Variants in ADRA1D observed in about 807,000 individuals in gnomAD.
ADRA1D encodes the protein adrenoceptor alpha 1D.
Under a neutral mutation model 18.6 loss-of-function variants are expected in ADRA1D, and 22 were observed. That is an observed-to-expected ratio of 1.19 (90% CI 0.85 to 1.69). The LOEUF (loss-of-function observed/expected upper bound fraction) is 1.69, where lower values mean the gene tolerates loss of function less well. Ranked by LOEUF, ADRA1D falls within the 40% of genes most tolerant of loss-of-function variation. The pLI is 0.00. For synonymous variants in ADRA1D, 376 were observed against 388.2 expected (o/e 0.97, Z 0.37); for missense variants, 840 against 840.7 (o/e 1.00, Z 0.01).
rs1343181304 is a variant in ADRA1D, at chr20:4,224,695, AGACCAAGCAGGCCAGGGGTAGGGGG to A, written c.1112-2590_1112-2566del. Among the ~76,000 whole-genome samples, 792 of 140,192 alleles carry A rather than the reference AGACCAAGCAGGCCAGGGGTAGGGGG, an allele frequency of 5.6e-3. 1 individual carries two copies. The highest frequency in any genetic ancestry group is 0.011 in the Middle Eastern group (3 of 278). 92.0% of individuals were successfully genotyped at this position (140,192 alleles called of 152,430 possible). On this transcript the variant is annotated intron_variant, in intron 1 of 1. Transcript: ENST00000379453. Reference sequence around the variant, plus strand: ...TGGATAGAGGCTGCAGGTGCCTGTGAGACCAAGCAGGCCAGGGGTAGGGGGGGGTCCTTAACAAATTATGGGACCT... The same window carrying A: ...TGGATAGAGGCTGCAGGTGCCTGTGAGGGTCCTTAACAAATTATGGGACCT...
chr20:4,221,907 C>G lies in ADRA1D; in HGVS notation c.1335G>C (p.Leu445=), dbSNP rs995141796. 2.0e-5 allele frequency: 31 copies of G among 1,524,054 alleles called. No individual in the cohort carries two copies. The highest frequency in any genetic ancestry group is 2.6e-5 in the Non-Finnish European group (30 of 1,138,386). The allele number at this position is 1,524,054 out of a possible 1,614,324, so 94.4% of individuals were successfully genotyped here. ...GHHWRASTSG[L]RQDCAPSSGD... ...CCGAACTCGGGGCGCAGTCCTGGCG[C>G]AGGCCGCTGGTGGAGGCCCGCCAGT... The change falls in exon 2 of 2, where the codon CTG becomes CTC. Residue 445 remains leucine (L), a synonymous_variant. Coordinates refer to ENST00000379453, the MANE Select transcript of ADRA1D (RefSeq NM_000678.4).
In ADRA1D at chr20:4,249,126, TG is replaced by T. The variant is rs895530712; in HGVS notation, c.-170del. 129 of 461,640 alleles carry T rather than the reference TG, an allele frequency of 2.8e-4. No individual in the cohort carries two copies. The Middle Eastern group carries it at 3.9e-3, about 14-fold the overall frequency. 28.6% of individuals were successfully genotyped at this position (461,640 alleles called of 1,614,324 possible). The stretch of plus-strand genomic sequence containing the variant: ...GAGCGCGGCTGTCCGAGAGCGGAGC[TG>T]CCTGGCCCGGGCGGCGGCCGGGCTC... On this transcript the variant is annotated 5_prime_UTR_variant, in exon 1 of 2. Coordinates refer to ENST00000379453, the MANE Select transcript of ADRA1D (RefSeq NM_000678.4).
chr20:4,221,884 G>A lies in ADRA1D; in HGVS notation c.1358C>T (p.Ser453Leu), dbSNP rs1039273133. 9 of 1,481,188 alleles carry A rather than the reference G, an allele frequency of 6.1e-6. No homozygotes were observed. The highest frequency in any genetic ancestry group is 1.5e-5 in the African/African-American group (1 of 68,156). The allele number at this position is 1,481,188 out of a possible 1,614,324, so 91.8% of individuals were successfully genotyped here. A position where few individuals can be genotyped will look rare whatever the true frequency, so the allele number is the denominator to read the frequency against. ...SGLRQDCAPS[S>L]GDAPPGAPLA... The stretch of plus-strand genomic sequence containing the variant: ...CGGCGCTCCGGGGGGCGCGTCGCCC[G>A]AACTCGGGGCGCAGTCCTGGCGCAG... The change falls in exon 2 of 2, where the codon TCG becomes TTG. Residue 453 changes from serine to leucine, a missense_variant. Ser to Leu is a moderately radical substitution (Grantham distance 145). Transcript: ENST00000379453.
intron 1 of ADRA1D, among the ~76,000 whole-genome samples, chr20:4,245,831 T>C (rs1262129574): frequency 6.6e-6 from 1 of 152,138 alleles, no homozygotes; most frequent in Non-Finnish European, 1.5e-5. Flanking sequence ...GCACCAACTT[T>C]CTCTTCCCTG....
At position 4,222,939 on chromosome 20, in the gene ADRA1D, C is replaced by G. The variant is rs768317446; in HGVS notation, c.1112-809G>C. On this transcript the variant is annotated intron_variant, in intron 1 of 1. Transcript: ENST00000379453. The surrounding 1 kb of genome is among the most constrained non-coding windows in gnomAD (Gnocchi z 4.3). ...AAAACTAATGTTAATTTTTTAAAAGCTTTTTTTTCTTTAATTGATAATATG... is the reference window on the plus strand; with the variant it reads ...AAAACTAATGTTAATTTTTTAAAAGGTTTTTTTTCTTTAATTGATAATATG... 6.6e-6 allele frequency among the ~76,000 whole-genome samples: 1 copy of G among 151,980 alleles called. No individual in the cohort carries two copies. Among genetic ancestry groups the G allele is most frequent in the African/African-American group, 2.4e-5 (1 of 41,380 alleles).
chr20:4,235,840 G>A (rs1415273068), intron 1 of ADRA1D, among the ~76,000 whole-genome samples: 1 of 152,228 alleles, frequency 6.6e-6, no homozygotes, highest in Non-Finnish European at 1.5e-5. Context: ...GGTGGGGCTG[G>A]GGGGTGCACG....
rs1455346160 is a variant in ADRA1D, at chr20:4,221,827, G to A, written c.1415C>T (p.Pro472Leu). The A allele has an allele frequency of 1.3e-6, 2 of 1,501,054 alleles. No homozygotes were observed. Among genetic ancestry groups the A allele is most frequent in the Non-Finnish European group, 1.8e-6 (2 of 1,130,922 alleles). The allele number at this position is 1,501,054 out of a possible 1,614,324, so 93.0% of individuals were successfully genotyped here. A position where few individuals can be genotyped will look rare whatever the true frequency, so the allele number is the denominator to read the frequency against. The change falls in exon 2 of 2, where the codon CCC becomes CTC. Residue 472 changes from proline to leucine, a missense_variant. Transcript: ENST00000379453. ...CATCTCGGGCGTGCCTGGGGGTTCG[G>A]GGTCGGGGTCGGGGAGCGCGGTGAG... ...LALTALPDPD[P>L]EPPGTPEMQA...
chr20:4,222,062 TGAA>T lies in ADRA1D; in HGVS notation c.1177_1179del (p.Phe393del), dbSNP rs1268748649. On this transcript the variant is annotated inframe_deletion, in exon 2 of 2. Coordinates refer to ENST00000379453, the MANE Select transcript of ADRA1D (RefSeq NM_000678.4). This position sits in a 1 kb window ranked among gnomAD's most constrained non-coding sequence, Gnocchi z 4.3. ...TAGATGAGCGGGTTCACGCAGCTGT[TGAA>T]GTAGCCGAGCCAGAAGATGACCTTG... The T allele has an allele frequency of 6.2e-7, 1 of 1,612,824 alleles. No individual in the cohort carries two copies.
At chr20:4,235,554 G>A (rs1981068837) in intron 1 of ADRA1D, among the ~76,000 whole-genome samples, 1 of 152,188 alleles carries the variant, frequency 6.6e-6, no homozygotes. Context: ...CTGCAGTTCT[G>A]CCCCACGGCC....
chr20:4,223,267 C>T (rs1980717339), intron 1 of ADRA1D, among the ~76,000 whole-genome samples: 1 of 152,180 alleles, frequency 6.6e-6, no homozygotes, highest in South Asian at 2.1e-4. Flanking sequence ...ATTAGCAAGT[C>T]ACGCATTTCC....
rs559680846 is a variant in ADRA1D, at chr20:4,240,400, T to C, written c.1111+7447A>G. Among the ~76,000 whole-genome samples, 421 of 104,404 alleles carry C rather than the reference T, an allele frequency of 4.0e-3. 2 individuals carry two copies. The highest frequency in any genetic ancestry group is 0.014 in the African/African-American group (400 of 28,840). The allele number at this position is 104,404 out of a possible 152,430, so 68.5% of individuals were successfully genotyped here. On this transcript the variant is annotated intron_variant, in intron 1 of 1. Coordinates refer to ENST00000379453, the MANE Select transcript of ADRA1D (RefSeq NM_000678.4). Reference sequence around the variant, plus strand: ...AAATGATTTTATGTGTTATAATGGATTGTGGGCTTTTTTTTTTTTTTTTTA... The same window carrying C: ...AAATGATTTTATGTGTTATAATGGACTGTGGGCTTTTTTTTTTTTTTTTTA...
chr20:4,227,714 CCTT>C (rs796643930), intron 1 of ADRA1D, among the ~76,000 whole-genome samples: 216 of 34,760 alleles, frequency 6.2e-3, no homozygotes, highest in East Asian at 0.01. Context: ...CTCCTTCCTT[CCTT>C]CCTTCCTTCC....
At chr20:4,235,108 C>T (rs2122667083) in intron 1 of ADRA1D, among the ~76,000 whole-genome samples, 2 of 152,334 alleles carry the variant, frequency 1.3e-5, no homozygotes, top group Middle Eastern at 3.4e-3. Context: ...CCTTGCATCA[C>T]CAATTTTCTG....
intron 1 of ADRA1D, among the ~76,000 whole-genome samples, chr20:4,238,963 G>A (rs1436379708): frequency 6.6e-6 from 1 of 152,072 alleles, no homozygotes; most frequent in East Asian, 1.9e-4. Context: ...GGGCAGGGAG[G>A]TGAAGGCTTG....
chr20:4,225,905 G>A (rs1291245264), intron 1 of ADRA1D, among the ~76,000 whole-genome samples: 1 of 152,144 alleles, frequency 6.6e-6, no homozygotes, highest in Non-Finnish European at 1.5e-5. Flanking sequence ...AGAGAGGTTG[G>A]GCCATCCCTG....
At chr20:4,244,012 G>C (rs1446505952) in intron 1 of ADRA1D, among the ~76,000 whole-genome samples, 1 of 152,166 alleles carries the variant, frequency 6.6e-6, no homozygotes, top group African/African-American at 2.4e-5. Flanking sequence ...CCACAGTTCA[G>C]GACAGCCCTC....
chr20:4,223,761 C>A (rs1980728930), intron 1 of ADRA1D, among the ~76,000 whole-genome samples: 1 of 152,058 alleles, frequency 6.6e-6, no homozygotes, highest in Non-Finnish European at 1.5e-5. Context: ...ATAAAATAGG[C>A]CTTGTGCTAG....
At chr20:4,235,596 C>T (rs530956943) in intron 1 of ADRA1D, among the ~76,000 whole-genome samples, 8 of 152,354 alleles carry the variant, frequency 5.3e-5, no homozygotes, top group Admixed American at 3.3e-4. Flanking sequence ...ATGAGCCTCT[C>T]GGCTCTGGGG....
rs61759832 is a variant in ADRA1D, at chr20:4,221,639, G to A, written c.1603C>T (p.Gln535Ter). 39 of 1,612,886 alleles carry A rather than the reference G, an allele frequency of 2.4e-5. No homozygotes were observed. The highest frequency in any genetic ancestry group is 3.2e-5 in the Non-Finnish European group (38 of 1,179,590). ...GAQRAEAACA[Q>*]RSEVEAVSLG... ...GACACAGCCTCCACCTCTGAGCGCT[G>A]GGCGCACGCTGCCTCTGCGCGCTGC... The change falls in exon 2 of 2, where the codon CAG becomes TAG. Residue 535 changes from glutamine to a stop codon, truncating the protein, a stop_gained. Transcript: ENST00000379453. LOFTEE classifies it low-confidence loss of function (END_TRUNC).
Sources: gnomAD v4.1 joint callset for allele counts (sites outside exome capture counted in the v4.1 genomes callset) on GRCh38, gnomAD v4.1.1 for gene constraint, Gnocchi (gnomAD v3.1) non-coding constraint, MANE v1.5 for transcripts, NCBI Gene and HGNC (gene_info 2026-07-23, HGNC 2026-07-21) for gene names.